The following DTHD1 variants were observed in gnomAD, a reference collection of about 807,000 sequenced individuals.
DTHD1 encodes death domain containing 1.
Under a neutral mutation model 74.8 loss-of-function variants are expected in DTHD1, and 59 were observed. That is an observed-to-expected ratio of 0.79 (90% CI 0.64 to 0.98). The LOEUF (loss-of-function observed/expected upper bound fraction) is 0.98. Among genes scored for constraint, DTHD1 ranks in the 50% least tolerant of loss-of-function variants. The pLI, the probability that DTHD1 is intolerant of heterozygous loss-of-function variation, is 0.00. For missense variants in DTHD1, 1,051 were observed against 1,065.4 expected (o/e 0.99, Z 0.19); for synonymous variants, 365 against 371.1 (o/e 0.98, Z 0.19).
chr4:36,300,989 T>C (rs1218163993), intron 5 of DTHD1, among the ~76,000 whole-genome samples: 1 of 152,132 alleles, frequency 6.6e-6, no homozygotes, highest in East Asian at 1.9e-4. Context: ...AATAATTTAG[T>C]TTTTAAATAA....
At chr4:36,328,480 G>T (rs1401090607) in intron 8 of DTHD1, among the ~76,000 whole-genome samples, 2 of 152,042 alleles carry the variant, frequency 1.3e-5, no homozygotes, top group Non-Finnish European at 2.9e-5. Flanking sequence ...GTGTGTGTGT[G>T]TCCACGTGTG....
chr4:36,342,473 G>GAA (rs113820138), intron 9 of DTHD1, among the ~76,000 whole-genome samples: 2 of 152,194 alleles, frequency 1.3e-5, no homozygotes, highest in African/African-American at 4.8e-5. Flanking sequence ...GAATGTGAAA[G>GAA]GAGAGAGATA....
intron 8 of DTHD1, among the ~76,000 whole-genome samples, chr4:36,321,846 C>A (rs558441806): frequency 1.3e-5 from 2 of 152,312 alleles, no homozygotes; most frequent in East Asian, 3.9e-4. Context: ...GACTCCAAGG[C>A]ATTCTCTGCT....
At chr4:36,332,915 CAT>C (rs1758780824) in intron 8 of DTHD1, 1 of 152,118 alleles carries the variant, frequency 6.6e-6, no homozygotes, top group African/African-American at 2.4e-5. Flanking sequence ...GAGTTCCACA[CAT>C]GCCTCATAAG....
intron 7 of DTHD1, among the ~76,000 whole-genome samples, chr4:36,315,364 C>A (rs929001462): frequency 3.3e-5 from 5 of 152,172 alleles, no homozygotes; most frequent in Admixed American, 1.3e-4. Flanking sequence ...AACTATTACA[C>A]CTGAAAGTTC....
At chr4:36,285,720 G>T (rs536116361) in intron 2 of DTHD1, among the ~76,000 whole-genome samples, 3 of 151,712 alleles carry the variant, frequency 2.0e-5, no homozygotes, top group African/African-American at 7.3e-5. Flanking sequence ...CTAATTCTGT[G>T]ACCCTGGGCA....
intron 5 of DTHD1, among the ~76,000 whole-genome samples, chr4:36,301,054 A>C (rs571149982): frequency 8.3e-4 from 126 of 152,328 alleles, no homozygotes; most frequent in African/African-American, 2.7e-3. Context: ...AGTTAGAGAA[A>C]CAAAATATTA....
Position 36,290,669 on chromosome 4 carries a change from C to G in DTHD1, c.1184C>G (p.Pro395Arg), listed in dbSNP as rs1697094691. 6.5e-7 allele frequency: 1 copy of G among 1,543,848 alleles called. No homozygotes were observed. The highest frequency in any genetic ancestry group is 8.7e-7 in the Non-Finnish European group (1 of 1,146,710). Residue 395 changes from proline to arginine, a missense_variant, in exon 3 of 10, where the codon CCA becomes CGA. Coordinates refer to ENST00000639862, the MANE Select transcript of DTHD1 (RefSeq NM_001170700.3). ...DINLQSSYLN[P>R]NSLEGMKGGY... ...AACCTTCAATCAAGTTACCTAAACC[C>G]AAATTCACTAGAAGGAATGAAGGGA...
chr4:36,314,959 G>A lies in DTHD1; in HGVS notation c.2096-1283G>A, dbSNP rs77892135. 3.7e-3 allele frequency among the ~76,000 whole-genome samples: 560 copies of A among 152,052 alleles called. 6 individuals are homozygous for A. The highest frequency in any genetic ancestry group is 0.013 in the African/African-American group (540 of 41,480). On this transcript the variant is annotated intron_variant, in intron 7 of 9. Coordinates refer to ENST00000639862, the MANE Select transcript of DTHD1 (RefSeq NM_001170700.3). ...CTGTTCTAAGGGTAAGGAAGCTAAGGGAAGCTCAGGCTCTAAGAAGCTCAG... is the reference window on the plus strand; with the variant it reads ...CTGTTCTAAGGGTAAGGAAGCTAAGAGAAGCTCAGGCTCTAAGAAGCTCAG...
rs1341803705 is a variant in DTHD1, at chr4:36,326,610, A to AT, written c.2340+10128dup. On this transcript the variant is annotated intron_variant, in intron 8 of 9. Transcript: ENST00000639862. ...CAGGGTTGAGAGCACTGCTCATTCA[A>AT]TTTTGTAATCCCTTCCCCGAGGATG... Among the ~76,000 whole-genome samples the AT allele has an allele frequency of 2.6e-5, 4 of 152,192 alleles. No homozygotes were observed. In the East Asian group the frequency reaches 7.7e-4, roughly 29 times the overall value.
In DTHD1 at chr4:36,301,799, T is replaced by A. The variant is rs200351550; in HGVS notation, c.1644-4392T>A. Among the ~76,000 whole-genome samples the A allele has an allele frequency of 1.8e-3, 32 of 18,098 alleles. 2 individuals are homozygous for A. The South Asian group carries it at 0.1, about 58-fold the overall frequency. The allele number at this position is 18,098 out of a possible 152,430, so 11.9% of individuals were successfully genotyped here. ...GAAAGAGATTGAAGTCATCACTCCC[T>A]TTTTTTTTTTCCTGAGGTGCAACAT... On this transcript the variant is annotated intron_variant, in intron 5 of 9. Coordinates refer to ENST00000639862, the MANE Select transcript of DTHD1 (RefSeq NM_001170700.3).
At chr4:36,339,226 T>C in intron 9 of DTHD1, 57 bp downstream of exon 9, 1 of 1,175,538 alleles carries the variant, frequency 8.5e-7, no homozygotes, top group Non-Finnish European at 1.2e-6. Flanking sequence ...TTATATGTTG[T>C]ATATATGTGA....
intron 5 of DTHD1, among the ~76,000 whole-genome samples, chr4:36,300,711 G>A (rs1756716006): frequency 6.6e-6 from 1 of 151,962 alleles, no homozygotes; most frequent in Admixed American, 6.6e-5. Flanking sequence ...TACCTAAGAA[G>A]GAAATGATAA....
chr4:36,293,714 A>G lies in DTHD1; in HGVS notation c.1398+9A>G, dbSNP rs1195395886. 3.4e-6 allele frequency: 5 copies of G among 1,488,794 alleles called. No individual in the cohort carries two copies. In the East Asian group the frequency reaches 7.5e-5, roughly 22 times the overall value. The allele number at this position is 1,488,794 out of a possible 1,614,324, so 92.2% of individuals were successfully genotyped here. On this transcript the variant is annotated intron_variant, in intron 4 of 9. Coordinates refer to ENST00000639862, the MANE Select transcript of DTHD1 (RefSeq NM_001170700.3). ...TGCTGGTGCAGTTAAAGGTAAACAT[A>G]TTAAAAATAGGTGAGTTCCTGCTCA...
intron 2 of DTHD1, among the ~76,000 whole-genome samples, chr4:36,289,682 A>T (rs1463207411): frequency 6.6e-6 from 1 of 152,178 alleles, no homozygotes; most frequent in Non-Finnish European, 1.5e-5. Context: ...GGTCAAGTAA[A>T]TAGTGACTGA....
At chr4:36,326,946 A>G (rs1184956342) in intron 8 of DTHD1, among the ~76,000 whole-genome samples, 1 of 150,454 alleles carries the variant, frequency 6.6e-6, no homozygotes, top group East Asian at 1.9e-4. Flanking sequence ...CCAAACCAAA[A>G]CAAGGATTTG....
intron 9 of DTHD1, among the ~76,000 whole-genome samples, chr4:36,342,591 T>C (rs985961456): frequency 6.6e-6 from 1 of 151,892 alleles, no homozygotes. Flanking sequence ...GTGGAAAGTG[T>C]TGGTGTAAAG....
Position 36,318,239 on chromosome 4 carries a change from G to T in DTHD1, c.2340+1753G>T, listed in dbSNP as rs545539467. On this transcript the variant is annotated intron_variant, in intron 8 of 9. Coordinates refer to ENST00000639862, the MANE Select transcript of DTHD1 (RefSeq NM_001170700.3). The stretch of plus-strand genomic sequence containing the variant: ...TGAATGGCTATTATGCTGTCACTTT[G>T]TTAGCACATAAAGCTAGGATTATTA... 2.1e-3 allele frequency among the ~76,000 whole-genome samples: 325 copies of T among 152,278 alleles called. 1 individual carries two copies. Among genetic ancestry groups the T allele is most frequent in the African/African-American group, 7.5e-3 (311 of 41,554 alleles).
At chr4:36,331,346 T>G (rs868255440) in intron 8 of DTHD1, among the ~76,000 whole-genome samples, 1 of 152,166 alleles carries the variant, frequency 6.6e-6, no homozygotes, top group African/African-American at 2.4e-5. Context: ...TAAGTAAGCA[T>G]TGCCATTTGC....
Sources: gnomAD v4.1 joint callset for allele counts (sites outside exome capture counted in the v4.1 genomes callset) on GRCh38, gnomAD v4.1.1 for gene constraint, MANE v1.5 for transcripts, NCBI Gene and HGNC (gene_info 2026-07-23, HGNC 2026-07-21) for gene names.